NOVA2: variants seen among roughly 807,000 people sequenced by gnomAD.
NOVA2 encodes the protein RNA-binding protein Nova-2.
NOVA2 carries 9 observed loss-of-function variants against 22.5 expected under a neutral mutation model. The observed-to-expected ratio is 0.40, with a 90% CI of 0.24 to 0.70. The LOEUF is 0.70. NOVA2 is among the 30% of genes least tolerant of loss of function. The probability of loss-of-function intolerance (pLI) is 0.38; values close to 1 mark genes in which losing one functional copy is unlikely to be tolerated. For missense variants in NOVA2, 383 were observed against 682.8 expected (o/e 0.56, Z 4.89); for synonymous variants, 318 against 335.2 (o/e 0.95, Z 0.56).
In NOVA2 at chr19:45,935,134, G is replaced by T; in HGVS notation, c.*4729C>A. 6.7e-6 allele frequency: 1 copy of T among 149,064 alleles called. No individual in the cohort carries two copies. Among genetic ancestry groups the T allele is most frequent in the East Asian group, 2.0e-4 (1 of 4,958 alleles). 9.2% of individuals were successfully genotyped at this position (149,064 alleles called of 1,614,324 possible). The stretch of plus-strand genomic sequence containing the variant: ...TGGTTTTGGGGGGAGAGGTGGGGTA[G>T]GGAAAGGGGTGGGGGAGGGGGGGTT... On this transcript the variant is annotated 3_prime_UTR_variant, in exon 4 of 4. Transcript: ENST00000263257.
chr19:45,963,093 G>T (rs557600114), intron 1 of NOVA2, among the ~76,000 whole-genome samples: 394 of 152,156 alleles, frequency 2.6e-3, no homozygotes, highest in Non-Finnish European at 4.2e-3. Context: ...GACCCTTTGC[G>T]GCCGGGAGCG....
intron 2 of NOVA2, among the ~76,000 whole-genome samples, 166 bp downstream of exon 2, chr19:45,960,844 C>T (rs971041494): frequency 6.6e-6 from 1 of 152,142 alleles, no homozygotes; most frequent in Non-Finnish European, 1.5e-5. Flanking sequence ...TCGGCCAGGC[C>T]CCTCGGGCTG....
chr19:45,971,702 C>T (rs1165175619), intron 1 of NOVA2, among the ~76,000 whole-genome samples: 3 of 152,114 alleles, frequency 2.0e-5, no homozygotes, highest in Non-Finnish European at 4.4e-5. Flanking sequence ...CTGCCTGAAG[C>T]CATCCCTCTC....
chr19:45,953,430 C>A (rs1967956364), intron 3 of NOVA2, among the ~76,000 whole-genome samples: 1 of 152,098 alleles, frequency 6.6e-6, no homozygotes, highest in East Asian at 1.9e-4. Context: ...CCGGTGATAG[C>A]AGGAAGTGGG....
At chr19:45,973,191 C>T (rs1363690449) in intron 1 of NOVA2, 76 bp downstream of exon 1, 11 of 735,928 alleles carry the variant, frequency 1.5e-5, no homozygotes, top group African/African-American at 3.8e-5. Context: ...GCACCTGCCA[C>T]GGGAGGGGGG....
At position 45,958,541 on chromosome 19, in the gene NOVA2, C is replaced by G. The variant is rs1968045839; in HGVS notation, c.229+2469G>C. Among the ~76,000 whole-genome samples the G allele has an allele frequency of 4.8e-5, 7 of 146,756 alleles. No individual in the cohort carries two copies. The South Asian group carries it at 1.5e-3, about 32-fold the overall frequency. ...TGACAATGTGTGACAGTGTGTGTGA[C>G]TGTGTGTAAGCGTGTGTGTGGGTGT... On this transcript the variant is annotated intron_variant, in intron 2 of 3. Transcript: ENST00000263257.
intron 3 of NOVA2, among the ~76,000 whole-genome samples, chr19:45,943,719 A>G (rs1226208854): frequency 6.9e-6 from 1 of 145,326 alleles, no homozygotes; most frequent in Non-Finnish European, 1.5e-5. Flanking sequence ...CCCTGACTCA[A>G]AAAAAAAAAA....
At chr19:45,960,779 AG>A (rs1342662046) in intron 2 of NOVA2, among the ~76,000 whole-genome samples, 1 of 152,100 alleles carries the variant, frequency 6.6e-6, no homozygotes, top group African/African-American at 2.4e-5. Flanking sequence ...CATGCAAATG[AG>A]CTCATGAATA....
intron 2 of NOVA2, among the ~76,000 whole-genome samples, chr19:45,958,110 C>CAAAAAA (rs33945455): frequency 4.6e-5 from 4 of 87,658 alleles, no homozygotes; most frequent in African/African-American, 1.9e-4. Flanking sequence ...GACTCCGTCT[C>CAAAAAA]AAAAAAAAAA....
chr19:45,939,915 C>G lies in NOVA2; in HGVS notation c.1427G>C (p.Arg476Pro). Residue 476 changes from arginine to proline, a missense_variant, in exon 4 of 4, where the codon CGG (arginine) becomes CCG (proline). Arg to Pro is a moderately radical substitution (Grantham distance 103). Around this residue, in one of 2 missense-constraint regions of NOVA2, gnomAD observed 34 missense variants for 104.7 expected, o/e 0.32. Transcript: ENST00000263257. ...CCTCACTCCCTGCTCGTAGGTGACCCGCTGACTGATGAGGTATTGAGCGGC... is the reference window on the plus strand; with the variant it reads ...CCTCACTCCCTGCTCGTAGGTGACCGGCTGACTGATGAGGTATTGAGCGGC... ...TQAAQYLISQRVTYEQGVRAS... is the reference protein window; with the variant it reads ...TQAAQYLISQPVTYEQGVRAS... 1 of 1,614,200 alleles carries G rather than the reference C, an allele frequency of 6.2e-7. No individual in the cohort carries two copies. Among genetic ancestry groups the G allele is most frequent in the Non-Finnish European group, 8.5e-7 (1 of 1,180,036 alleles).
chr19:45,945,820 TTTA>T (rs1215969204), intron 3 of NOVA2, among the ~76,000 whole-genome samples: 16 of 150,006 alleles, frequency 1.1e-4, no homozygotes, highest in South Asian at 4.2e-4. Context: ...TCTCCCTGAC[TTTA>T]TTATTATTAT....
At position 45,973,726 on chromosome 19, in the gene NOVA2, G is replaced by A. The variant is rs915532573; in HGVS notation, c.-375C>T. ...CGGCCGTGAGCAGGATGGCAGGGCC[G>A]AGGGGGGTCTCCGATAGGGCCGGGA... is the stretch of plus-strand genomic sequence containing the variant. On this transcript the variant is annotated 5_prime_UTR_variant, in exon 1 of 4. Transcript: ENST00000263257. Among the ~76,000 whole-genome samples the A allele has an allele frequency of 5.3e-5, 8 of 150,418 alleles. No homozygotes were observed. The highest frequency in any genetic ancestry group is 1.5e-4 in the African/African-American group (6 of 40,850).
rs2146406919 is a variant in NOVA2, at chr19:45,940,748, C to T, written c.594G>A (p.Gln198=). The change falls in exon 4 of 4, where the codon CAG becomes CAA. Residue 198 remains glutamine (Q), a synonymous_variant. Coordinates refer to ENST00000263257, the MANE Select transcript of NOVA2 (RefSeq NM_002516.4). ...QVHKAVSAIV[Q]KVQEDPQSSS... ...TGCTCTGGGGGTCTTCTTGTACCTTCTGCACGATGGCGCTCACGGCCTTGT... is the reference window on the plus strand; with the variant it reads ...TGCTCTGGGGGTCTTCTTGTACCTTTTGCACGATGGCGCTCACGGCCTTGT... 6.2e-7 allele frequency: 1 copy of T among 1,609,946 alleles called. No homozygotes were observed. Among genetic ancestry groups the T allele is most frequent in the Non-Finnish European group, 8.5e-7 (1 of 1,179,884 alleles).
At chr19:45,957,553 A>C (rs1027870664) in intron 2 of NOVA2, among the ~76,000 whole-genome samples, 1 of 151,492 alleles carries the variant, frequency 6.6e-6, no homozygotes, top group Non-Finnish European at 1.5e-5. Context: ...AAAAAAAAAA[A>C]AGTAGCTGGG....
In NOVA2 at chr19:45,940,208, G is replaced by T. The variant is rs758514366; in HGVS notation, c.1134C>A (p.Gly378=). ...CGGCTGCAGCGGCCACCAGCGGGCC[G>T]CCCCCTCCGCCCGCCCCGCCGCCCG... ...AGAGGGAGGG[G]GPLVAAAAAA... The change falls in exon 4 of 4, where the codon GGC becomes GGA. Residue 378 remains glycine, a synonymous_variant. Transcript: ENST00000263257. The T allele has an allele frequency of 1.8e-5, 22 of 1,193,498 alleles. No homozygotes were observed. The highest frequency in any genetic ancestry group is 2.3e-5 in the Non-Finnish European group (22 of 966,240). The allele number at this position is 1,193,498 out of a possible 1,614,324, so 73.9% of individuals were successfully genotyped here. A position where few individuals can be genotyped will look rare whatever the true frequency, so the allele number is the denominator to read the frequency against.
At chr19:45,959,955 T>A (rs1404256787) in intron 2 of NOVA2, among the ~76,000 whole-genome samples, 1 of 151,832 alleles carries the variant, frequency 6.6e-6, no homozygotes, top group Non-Finnish European at 1.5e-5. Flanking sequence ...GGACCAAAGA[T>A]GCAATTCAGG....
At chr19:45,968,088 G>A (rs1158333879) in intron 1 of NOVA2, 1 of 152,158 alleles carries the variant, frequency 6.6e-6, no homozygotes, top group Non-Finnish European at 1.5e-5. Flanking sequence ...TTGATCTTGG[G>A]GGTCATGAAT....
Position 45,940,580 on chromosome 19 carries a change from GC to G in NOVA2, c.761del (p.Gly254AlafsTer142). 2 of 1,441,538 alleles carry G rather than the reference GC, an allele frequency of 1.4e-6. No individual in the cohort carries two copies. Among genetic ancestry groups the G allele is most frequent in the Non-Finnish European group, 1.8e-6 (2 of 1,103,744 alleles). The allele number at this position is 1,441,538 out of a possible 1,614,324, so 89.3% of individuals were successfully genotyped here. ...CCCCCACGCCAGCCAGCCCGGCGGG[GC>G]CCAGCAGGCCGGAGGCGGCGGCGGC... The part of the protein sequence containing the change: ...ASAAAASGLL[G>X]PAGLAGVGAF... On this transcript the variant is annotated frameshift_variant, in exon 4 of 4. Coordinates refer to ENST00000263257, the MANE Select transcript of NOVA2 (RefSeq NM_002516.4). LOFTEE classifies it low-confidence loss of function (END_TRUNC).
At chr19:45,953,642 A>G (rs931894586) in intron 3 of NOVA2, 138 bp downstream of exon 3, 2 of 1,021,876 alleles carry the variant, frequency 2.0e-6, no homozygotes, top group African/African-American at 3.2e-5. Flanking sequence ...AATACTAACC[A>G]CTACCATGTG....
Sources: allele counts gnomAD v4.1 joint callset (sites outside exome capture counted in the v4.1 genomes callset), GRCh38; gene constraint gnomAD v4.1.1; regional missense constraint gnomAD v4.1.1; transcripts MANE v1.5; gene names NCBI Gene and HGNC (gene_info 2026-07-23, HGNC 2026-07-21).